ANKRD12: variants seen among roughly 807,000 people sequenced by gnomAD.
ANKRD12 encodes ankyrin repeat domain 12.
A neutral mutation model predicts 183.4 loss-of-function variants in ANKRD12; 85 were observed. That is an observed-to-expected ratio of 0.46 (90% confidence interval 0.39 to 0.56). The LOEUF (loss-of-function observed/expected upper bound fraction) is 0.56, where lower values mean the gene tolerates loss of function less well. ANKRD12 is among the 20% of genes least tolerant of loss of function. The probability of loss-of-function intolerance (pLI) is 0.00; values close to 1 mark genes in which losing one functional copy is unlikely to be tolerated. For missense variants in ANKRD12, 2,405 were observed against 2,357.1 expected, an observed-to-expected ratio of 1.02 and a Z score of -0.42; for synonymous variants, 914 against 800.2, an observed-to-expected ratio of 1.14 and a Z score of -2.40.
intron 1 of ANKRD12, among the ~76,000 whole-genome samples, chr18:9,159,802 AT>A (rs560986854): frequency 5.9e-4 from 84 of 141,278 alleles, no homozygotes; most frequent in South Asian, 6.7e-4. Flanking sequence ...GTAGTTTCAG[AT>A]TTTTTTTTTT....
At position 9,257,918 on chromosome 18, in the gene ANKRD12, C is replaced by T; in HGVS notation, c.4651C>T (p.Leu1551=). Residue 1551 remains leucine (L), a synonymous_variant, in exon 9 of 13, where the codon CTA becomes TTA. Transcript: ENST00000262126. ...AAAAGATACAGAAAATACTTTTGTC[C>T]TAGGAGATGTTCAAAAAACAGATGC... is the stretch of plus-strand genomic sequence containing the variant. ...STKDTENTFV[L]GDVQKTDAFV... The T allele has an allele frequency of 1.2e-6, 2 of 1,613,840 alleles. No individual in the cohort carries two copies. The highest frequency in any genetic ancestry group is 1.7e-6 in the Non-Finnish European group (2 of 1,179,904).
At position 9,269,457 on chromosome 18, in the gene ANKRD12, A is replaced by G. The variant is rs543219187; in HGVS notation, c.5763+5569A>G. On this transcript the variant is annotated intron_variant, in intron 10 of 12. Transcript: ENST00000262126. The stretch of plus-strand genomic sequence containing the variant: ...ATGGAACAGAACAGAGCCCTCAGAA[A>G]TAGTGCCACATATCTACAACCATCT... Among the ~76,000 whole-genome samples the G allele has an allele frequency of 2.4e-4, 37 of 152,350 alleles. 1 individual carries two copies. The highest frequency in any genetic ancestry group is 6.8e-3 in the Middle Eastern group (2 of 294).
rs887289415 is a variant in ANKRD12 at position 9,284,328 on chromosome 18, G to T, written c.*3202G>T. On this transcript the variant is annotated 3_prime_UTR_variant, in exon 13 of 13. Coordinates refer to ENST00000262126, the MANE Select transcript of ANKRD12 (RefSeq NM_015208.5). ...AGACCCCATGAAGCTCATTTGAATG[G>T]GACTTAACAATTAGACAGTTATTTT... 1.3e-5 allele frequency: 2 copies of T among 151,930 alleles called. No individual in the cohort carries two copies. The highest frequency in any genetic ancestry group is 4.8e-5 in the African/African-American group (2 of 41,350). 9.4% of individuals were successfully genotyped at this position (151,930 alleles called of 1,614,324 possible).
At chr18:9,198,485 C>A (rs1438390262) in intron 3 of ANKRD12, among the ~76,000 whole-genome samples, 2 of 152,054 alleles carry the variant, frequency 1.3e-5, no homozygotes, top group African/African-American at 2.4e-5. Flanking sequence ...GTAAATAGGA[C>A]AGTGTATATA....
At chr18:9,137,220 C>CCCGCCCG (rs908580430) in intron 1 of ANKRD12, 1 of 149,432 alleles carries the variant, frequency 6.7e-6, no homozygotes, top group Non-Finnish European at 1.5e-5. Flanking sequence ...CCGCCGGGGC[C>CCCGCCCG]CCGCCCGCCG....
In ANKRD12 at chr18:9,257,380, T is replaced by G; in HGVS notation, c.4113T>G (p.Thr1371=). Residue 1371 remains threonine (T), a synonymous_variant, in exon 9 of 13, where the codon ACT becomes ACG. Transcript: ENST00000262126. ...CTAACATACATTCCAGTTTTGCAAC[T>G]TCTCCAACTGGAGCTTCAAACAGCA... is the stretch of plus-strand genomic sequence containing the variant. ...NVSNIHSSFA[T]SPTGASNSKY... 1.9e-6 allele frequency: 3 copies of G among 1,614,156 alleles called. No individual in the cohort carries two copies. The highest frequency in any genetic ancestry group is 2.5e-6 in the Non-Finnish European group (3 of 1,180,018).
At position 9,258,059 on chromosome 18, in the gene ANKRD12, A is replaced by G. The variant is rs1339109343; in HGVS notation, c.4792A>G (p.Thr1598Ala). The part of the protein sequence containing the change: ...EKDFNGSDAS[T>A]QLNTHYAFSK... ...GGACTTTAATGGAAGTGATGCCTCTACCCAGCTAAATACACATTATGCATT... is the reference window on the plus strand; with the variant it reads ...GGACTTTAATGGAAGTGATGCCTCTGCCCAGCTAAATACACATTATGCATT... Residue 1598 changes from threonine (T) to alanine (A), a missense_variant, in exon 9 of 13, where the codon ACC becomes GCC. Physicochemically the swap from Thr to Ala is moderately conservative, Grantham distance 58. Around this residue, in one of 7 missense-constraint regions of ANKRD12, gnomAD observed 1,983 missense variants for 1,725.9 expected, o/e 1.15. Transcript: ENST00000262126. 3.7e-6 allele frequency: 6 copies of G among 1,613,332 alleles called. No homozygotes were observed. The highest frequency in any genetic ancestry group is 5.1e-6 in the Non-Finnish European group (6 of 1,179,990).
chr18:9,166,730 C>T (rs1212723132), intron 1 of ANKRD12, among the ~76,000 whole-genome samples: 2 of 151,760 alleles, frequency 1.3e-5, no homozygotes, highest in East Asian at 1.9e-4. Context: ...AATTAGATCC[C>T]ATTTGTCAAT....
chr18:9,216,176 C>A (rs552075807), intron 6 of ANKRD12, among the ~76,000 whole-genome samples: 56 of 152,066 alleles, frequency 3.7e-4, no homozygotes, highest in Admixed American at 6.6e-4. Flanking sequence ...TGTGAAGTTA[C>A]ACCAAATATG....
chr18:9,275,635 G>A lies in ANKRD12; in HGVS notation c.5875G>A (p.Ala1959Thr). The A allele has an allele frequency of 6.2e-7, 1 of 1,605,690 alleles. No individual in the cohort carries two copies. The highest frequency in any genetic ancestry group is 8.5e-7 in the Non-Finnish European group (1 of 1,173,890). The change falls in exon 11 of 13, where the codon GCC becomes ACC. Residue 1959 changes from alanine (A) to threonine (T), a missense_variant. This residue lies in a region of ANKRD12 where 162 missense variants were observed against 272.2 expected (regional missense o/e 0.60). Transcript: ENST00000262126. Reference protein sequence around the residue: ...PFSACTVLLDAEVYNVPLDSQ... With the variant: ...PFSACTVLLDTEVYNVPLDSQ... Reference sequence around the variant, plus strand: ...TAGTGCTTGTACTGTTTTGCTGGATGCCGAAGTATACAATGTACCATTGGA... The same window carrying A: ...TAGTGCTTGTACTGTTTTGCTGGATACCGAAGTATACAATGTACCATTGGA...
chr18:9,197,902 CTTTA>C (rs893775014), intron 3 of ANKRD12, among the ~76,000 whole-genome samples: 4 of 152,166 alleles, frequency 2.6e-5, no homozygotes, highest in Admixed American at 2.6e-4. Flanking sequence ...TTTTGGTAGG[CTTTA>C]TTTATAAATT....
At chr18:9,141,582 T>C (rs2078317283) in intron 1 of ANKRD12, among the ~76,000 whole-genome samples, 1 of 152,192 alleles carries the variant, frequency 6.6e-6, no homozygotes, top group Non-Finnish European at 1.5e-5. Flanking sequence ...GCTTCCAACT[T>C]AAAGGAGGTA....
intron 8 of ANKRD12, among the ~76,000 whole-genome samples, chr18:9,237,056 T>C (rs538156686): frequency 1.3e-5 from 2 of 152,290 alleles, no homozygotes; most frequent in Non-Finnish European, 2.9e-5. Context: ...ATATATTTTC[T>C]TACACATTTT....
At position 9,256,208 on chromosome 18, in the gene ANKRD12, GA is replaced by G; in HGVS notation, c.2949del (p.Lys983AsnfsTer4). ...NITNSKHIQE[E>X]KKSSIVDGNK... ...AACTAACTCCAAACACATACAGGAA[GA>G]AAAAAAATCAAGTATAGTAGACGGT... On this transcript the variant is annotated frameshift_variant, in exon 9 of 13. Coordinates refer to ENST00000262126, the MANE Select transcript of ANKRD12 (RefSeq NM_015208.5). LOFTEE classifies it high-confidence loss of function. 3.2e-6 allele frequency: 5 copies of G among 1,572,508 alleles called. No individual in the cohort carries two copies. Among genetic ancestry groups the G allele is most frequent in the South Asian group, 2.4e-5 (2 of 82,604 alleles).
At chr18:9,220,555 A>G (rs927351899) in intron 7 of ANKRD12, among the ~76,000 whole-genome samples, 1 of 152,216 alleles carries the variant, frequency 6.6e-6, no homozygotes, top group African/African-American at 2.4e-5. Context: ...TGACTGGGAA[A>G]ATTTTGGTGC....
chr18:9,213,858 C>G (rs1474785763), intron 6 of ANKRD12, among the ~76,000 whole-genome samples: 1 of 151,764 alleles, frequency 6.6e-6, no homozygotes, highest in South Asian at 2.1e-4. Flanking sequence ...CTTAAGACAT[C>G]AGGATTTTTG....
intron 6 of ANKRD12, among the ~76,000 whole-genome samples, chr18:9,216,371 C>A (rs1265713351): frequency 6.6e-6 from 1 of 152,120 alleles, no homozygotes; most frequent in Admixed American, 6.5e-5. Context: ...CAATTTTTCT[C>A]TAGCTTTATT....
chr18:9,270,564 A>G (rs1433006517), intron 10 of ANKRD12, among the ~76,000 whole-genome samples: 4 of 152,188 alleles, frequency 2.6e-5, no homozygotes, highest in South Asian at 4.1e-4. Flanking sequence ...GAATTGAACA[A>G]TGAGAACACA....
chr18:9,179,953 G>A (rs1031587573), intron 1 of ANKRD12, among the ~76,000 whole-genome samples: 1 of 152,188 alleles, frequency 6.6e-6, no homozygotes, highest in Non-Finnish European at 1.5e-5. Context: ...TTCTGTTGTT[G>A]AGCAGATATT....
Sources: allele counts gnomAD v4.1 joint callset (sites outside exome capture counted in the v4.1 genomes callset), GRCh38; gene constraint gnomAD v4.1.1; regional missense constraint gnomAD v4.1.1; transcripts MANE v1.5; gene names NCBI Gene and HGNC (gene_info 2026-07-23, HGNC 2026-07-21).